The following MEMO1 variants were observed in gnomAD, a reference collection of about 807,000 sequenced individuals.
MEMO1 encodes protein MEMO1.
Under a neutral mutation model 45.2 loss-of-function variants are expected in MEMO1, and 6 were observed. The observed-to-expected ratio is 0.13, with a 90% CI of 0.07 to 0.26. The LOEUF is 0.26. Ranked by LOEUF, MEMO1 falls within the 10% of genes least tolerant of loss-of-function variation. The pLI is 1.00. For missense variants in MEMO1, 184 were observed against 370.5 expected, an observed-to-expected ratio of 0.50 and a Z score of 4.13; for synonymous variants, 78 against 124.3, an observed-to-expected ratio of 0.63 and a Z score of 2.48.
chr2:31,963,932 T>C (rs746325156), intron 2 of MEMO1, among the ~76,000 whole-genome samples: 2 of 152,216 alleles, frequency 1.3e-5, no homozygotes, highest in Admixed American at 6.5e-5. Flanking sequence ...GAATGCAATA[T>C]ACTTCATTAA....
chr2:31,933,285 A>C (rs950021362), intron 3 of MEMO1, among the ~76,000 whole-genome samples: 14 of 130,098 alleles, frequency 1.1e-4, no homozygotes, highest in Non-Finnish European at 1.4e-4. Context: ...CCCACACACC[A>C]GCCTGGATGA....
intron 3 of MEMO1, among the ~76,000 whole-genome samples, chr2:31,938,561 T>C (rs1201011653): frequency 6.6e-6 from 1 of 151,770 alleles, no homozygotes; most frequent in Non-Finnish European, 1.5e-5. Flanking sequence ...GGCAGGAGAA[T>C]GGCGTGAACC....
chr2:31,899,032 G>A (rs1401627160), intron 6 of MEMO1, among the ~76,000 whole-genome samples: 2 of 151,832 alleles, frequency 1.3e-5, no homozygotes, highest in African/African-American at 4.8e-5. Flanking sequence ...AAGGGAATAA[G>A]AGAGAACACA....
intron 6 of MEMO1, among the ~76,000 whole-genome samples, chr2:31,901,466 T>C (rs940302398): frequency 3.1e-5 from 4 of 130,190 alleles, no homozygotes; most frequent in East Asian, 2.3e-4. Context: ...AAGTGAAAAA[T>C]AGACTACATT....
At chr2:32,006,830 T>G (rs1275722483) in intron 2 of MEMO1, among the ~76,000 whole-genome samples, 4 of 151,952 alleles carry the variant, frequency 2.6e-5, no homozygotes, top group African/African-American at 7.2e-5. Context: ...CCAGGCATGG[T>G]GGCGGGGGCC....
At chr2:31,910,983 T>C (rs1342783647) in intron 6 of MEMO1, among the ~76,000 whole-genome samples, 49 of 151,796 alleles carry the variant, frequency 3.2e-4, no homozygotes, top group Non-Finnish European at 1.5e-4. Context: ...AGGAAAAAAT[T>C]ATAGTCATAT....
At chr2:31,988,157 C>A (rs1230241322) in intron 2 of MEMO1, among the ~76,000 whole-genome samples, 1 of 152,068 alleles carries the variant, frequency 6.6e-6, no homozygotes, top group Non-Finnish European at 1.5e-5. Flanking sequence ...GTCTGCAGGA[C>A]CTTTCAGAAG....
intron 2 of MEMO1, among the ~76,000 whole-genome samples, chr2:31,970,893 A>G (rs1359258400): frequency 1.3e-5 from 2 of 152,208 alleles, no homozygotes; most frequent in Non-Finnish European, 2.9e-5. Context: ...AATCCCAGCT[A>G]CGTAGGAGGC....
chr2:31,918,066 A>G (rs1414012551), intron 5 of MEMO1, 29 bp from the exon 6 acceptor site: 3 of 1,495,546 alleles, frequency 2.0e-6, no homozygotes, highest in Non-Finnish European at 2.8e-6. Flanking sequence ...ACAGTAAAAT[A>G]AATATATTAA....
chr2:31,907,589 G>C (rs1356381929), intron 6 of MEMO1, among the ~76,000 whole-genome samples: 3 of 152,106 alleles, frequency 2.0e-5, no homozygotes. Context: ...GAGCCCAGGA[G>C]TTCAAGATCA....
chr2:31,946,499 ATAAGT>A (rs1666213188), intron 2 of MEMO1, among the ~76,000 whole-genome samples: 1 of 152,220 alleles, frequency 6.6e-6, no homozygotes, highest in African/African-American at 2.4e-5. Flanking sequence ...TTAAGGAAAA[ATAAGT>A]TACGTGTCAC....
intron 4 of MEMO1, among the ~76,000 whole-genome samples, chr2:31,926,577 A>T (rs140561766): frequency 6.6e-6 from 1 of 151,924 alleles, no homozygotes; most frequent in East Asian, 2.0e-4. Context: ...TGCCAGGCAC[A>T]GTGGCTCACG....
At chr2:31,871,510 CACACACACAT>C (rs1673734829) in intron 8 of MEMO1, among the ~76,000 whole-genome samples, 1 of 134,994 alleles carries the variant, frequency 7.4e-6, no homozygotes, top group East Asian at 2.8e-4. Context: ...CACACACACA[CACACACACAT>C]ATATATATAT....
At chr2:31,881,151 T>C (rs569976664) in intron 8 of MEMO1, among the ~76,000 whole-genome samples, 32 of 152,296 alleles carry the variant, frequency 2.1e-4, no homozygotes, top group African/African-American at 7.5e-4. Context: ...AATATAATTA[T>C]ATTTAAAAAT....
At chr2:31,935,673 G>A (rs528530052) in intron 3 of MEMO1, among the ~76,000 whole-genome samples, 45 of 152,120 alleles carry the variant, frequency 3.0e-4, no homozygotes, top group Middle Eastern at 6.8e-3. Context: ...CTTTATCCTC[G>A]CCCAGAAACA....
chr2:31,923,270 T>C (rs1447459694), intron 4 of MEMO1, among the ~76,000 whole-genome samples: 3 of 152,166 alleles, frequency 2.0e-5, no homozygotes, highest in Admixed American at 6.5e-5. Context: ...ATGTATCTTC[T>C]TTTGAAAAGT....
chr2:31,896,045 G>A (rs947219755), intron 6 of MEMO1, among the ~76,000 whole-genome samples: 13 of 151,428 alleles, frequency 8.6e-5, no homozygotes, highest in Middle Eastern at 3.4e-3. Context: ...GGGTTTCACC[G>A]TGTTAGCCAG....
intron 9 of MEMO1, among the ~76,000 whole-genome samples, chr2:31,868,839 C>T (rs1010717620): frequency 2.0e-5 from 3 of 152,030 alleles, no homozygotes; most frequent in Non-Finnish European, 2.9e-5. Flanking sequence ...CTTAAGACGT[C>T]GGAGTCTTTA....
Position 31,915,621 on chromosome 2 carries a change from GA to G in MEMO1, c.437+2304del, listed in dbSNP as rs1000730375. On this transcript the variant is annotated intron_variant, in intron 6 of 9. Coordinates refer to ENST00000404530, the MANE Select transcript of MEMO1 (RefSeq NM_001301833.4). Reference sequence around the variant, plus strand: ...TCTAGAGAGTAGCAAAAAAAAGAAAGAAAAAAAAAGTCCTACTTGAAGAACA... The same window carrying G: ...TCTAGAGAGTAGCAAAAAAAAGAAAGAAAAAAAAGTCCTACTTGAAGAACA... Among the ~76,000 whole-genome samples the G allele has an allele frequency of 2.0e-5, 3 of 151,034 alleles. No individual in the cohort carries two copies. The East Asian group carries it at 5.8e-4, about 29-fold the overall frequency.
Sources: gnomAD v4.1 joint callset for allele counts (sites outside exome capture counted in the v4.1 genomes callset) on GRCh38, gnomAD v4.1.1 for gene constraint, MANE v1.5 for transcripts, NCBI Gene and HGNC (gene_info 2026-07-23, HGNC 2026-07-21) for gene names.